The following HIVEP3 variants were observed in gnomAD, a reference collection of about 807,000 sequenced individuals.
HIVEP3 encodes the protein transcription factor HIVEP3.
Under a neutral mutation model 152.8 loss-of-function variants are expected in HIVEP3, and 49 were observed. The observed-to-expected ratio is 0.32, with a 90% CI of 0.26 to 0.41. The LOEUF is 0.41. Ranked by LOEUF, HIVEP3 falls within the 10% of genes least tolerant of loss-of-function variation. The pLI, the probability that HIVEP3 is intolerant of heterozygous loss-of-function variation, is 1.00. For missense variants in HIVEP3, 2,790 were observed against 3,103.3 expected (o/e 0.90, Z 2.40); for synonymous variants, 1,269 against 1,289.0 (o/e 0.98, Z 0.33).
chr1:41,777,496 C>G (rs1223027797), intron 1 of HIVEP3, among the ~76,000 whole-genome samples: 1 of 152,232 alleles, frequency 6.6e-6, no homozygotes, highest in Admixed American at 6.5e-5. Flanking sequence ...AAACCCACCA[C>G]CCAGTGAAGC....
chr1:41,511,326 CGA>C lies in HIVEP3; in HGVS notation c.6406-62_6406-61del. ...GTTACATGCTGGGCACATGGGGAGC[CGA>C]GGCCTGGAAGTGGGAGGGGGACTCG... On this transcript the variant is annotated intron_variant, in intron 8 of 8. Transcript: ENST00000372583. This position sits in a 1 kb window ranked among gnomAD's most constrained non-coding sequence, Gnocchi z 4.9. The C allele has an allele frequency of 1.4e-6, 2 of 1,414,770 alleles. No individual in the cohort carries two copies. Among genetic ancestry groups the C allele is most frequent in the South Asian group, 2.8e-5 (2 of 71,954 alleles). 87.6% of individuals were successfully genotyped at this position (1,414,770 alleles called of 1,614,324 possible).
At chr1:41,912,129 A>T (rs1644805651) in intron 1 of HIVEP3, among the ~76,000 whole-genome samples, 1 of 152,204 alleles carries the variant, frequency 6.6e-6, no homozygotes, top group African/African-American at 2.4e-5. Flanking sequence ...GACAATAAAG[A>T]AAAGCATAGG....
chr1:41,582,110 G>A lies in HIVEP3; in HGVS notation c.2688C>T (p.Leu896=). The change falls in exon 4 of 9, where the codon CTC becomes CTT. Residue 896 remains leucine, a synonymous_variant. Transcript: ENST00000372583. This position sits in a 1 kb window ranked among gnomAD's most constrained non-coding sequence, Gnocchi z 4.7. ...WPQRSQTLAQ[L]PAEKLPPKKK... is the part of the protein sequence containing the mutation. ...TTTTGGGTGGCAGCTTCTCAGCTGG[G>A]AGCTGGGCAAGTGTCTGGCTGCGCT... is the stretch of plus-strand genomic sequence containing the variant. The A allele has an allele frequency of 6.2e-7, 1 of 1,614,172 alleles. No homozygotes were observed. Among genetic ancestry groups the A allele is most frequent in the Non-Finnish European group, 8.5e-7 (1 of 1,180,028 alleles).
chr1:41,574,283 C>G (rs1328630225), intron 5 of HIVEP3, among the ~76,000 whole-genome samples: 5 of 152,132 alleles, frequency 3.3e-5, no homozygotes, highest in African/African-American at 1.2e-4. Context: ...CGAGGGCGCT[C>G]TAACCAAACA....
intron 1 of HIVEP3, among the ~76,000 whole-genome samples, chr1:41,742,262 C>T (rs971357836): frequency 6.6e-6 from 1 of 152,196 alleles, no homozygotes; most frequent in Non-Finnish European, 1.5e-5. Context: ...GTCCATTATT[C>T]CATCCACCCA....
intron 1 of HIVEP3, among the ~76,000 whole-genome samples, chr1:41,888,983 TGCCACACACAC>T (rs1221140145): frequency 2.5e-5 from 3 of 121,416 alleles, no homozygotes. Flanking sequence ...AGACCACACA[TGCCACACACAC>T]ACCACATACC....
At chr1:41,710,936 C>G (rs1285148798) in intron 1 of HIVEP3, among the ~76,000 whole-genome samples, 1 of 152,274 alleles carries the variant, frequency 6.6e-6, no homozygotes, top group African/African-American at 2.4e-5. Flanking sequence ...CATCGCTACT[C>G]TCACTTTACA....
intron 1 of HIVEP3, among the ~76,000 whole-genome samples, chr1:41,779,495 T>C (rs958343901): frequency 2.0e-5 from 3 of 151,970 alleles, no homozygotes; most frequent in Admixed American, 2.0e-4. Flanking sequence ...CCCTTCTTTT[T>C]CTTTTCTTTT....
At chr1:41,522,460 C>T (rs967274569) in intron 6 of HIVEP3, among the ~76,000 whole-genome samples, 2 of 152,228 alleles carry the variant, frequency 1.3e-5, no homozygotes, top group Admixed American at 6.5e-5. Context: ...AGGAAGAGCT[C>T]AGGGCACTGC....
chr1:41,991,307 A>G (rs1167908506), intron 1 of HIVEP3, among the ~76,000 whole-genome samples: 1 of 151,364 alleles, frequency 6.6e-6, no homozygotes, highest in African/African-American at 2.4e-5. Context: ...AAAAAATGAT[A>G]AAGGGGATAT....
At chr1:41,857,013 G>C (rs1643786676) in intron 1 of HIVEP3, among the ~76,000 whole-genome samples, 1 of 152,124 alleles carries the variant, frequency 6.6e-6, no homozygotes, top group Non-Finnish European at 1.5e-5. Context: ...AGCATTGCCA[G>C]GTTCTCTGTG....
chr1:41,760,980 C>T (rs1647635104), intron 1 of HIVEP3, among the ~76,000 whole-genome samples: 1 of 152,224 alleles, frequency 6.6e-6, no homozygotes. Flanking sequence ...CTACACTCAG[C>T]TCCCTTCTCT....
At chr1:41,968,920 C>G (rs766880707) in intron 1 of HIVEP3, among the ~76,000 whole-genome samples, 3 of 152,070 alleles carry the variant, frequency 2.0e-5, no homozygotes, top group Non-Finnish European at 2.9e-5. Flanking sequence ...AAACAGCAGA[C>G]AAGCAGAGAG....
intron 2 of HIVEP3, among the ~76,000 whole-genome samples, chr1:41,640,772 G>A (rs1645360286): frequency 6.6e-6 from 1 of 152,206 alleles, no homozygotes; most frequent in African/African-American, 2.4e-5. Flanking sequence ...TTTTTTCACA[G>A]TCATACTAAT....
intron 2 of HIVEP3, among the ~76,000 whole-genome samples, chr1:41,677,361 T>C (rs764227318): frequency 2.6e-5 from 4 of 152,174 alleles, no homozygotes; most frequent in Non-Finnish European, 4.4e-5. Context: ...CAGAAGACAA[T>C]GGATGCTAGA....
rs112553312 is a variant in HIVEP3 at position 41,533,971 on chromosome 1, G to A, written c.5208-9061C>T. The stretch of plus-strand genomic sequence containing the variant: ...CTCTCAGCAAGCAGCACCTGCACTC[G>A]TGTGGCTGGCCAGCCCACAGGCTGG... On this transcript the variant is annotated intron_variant, in intron 5 of 8. Transcript: ENST00000372583. This position sits in a 1 kb window ranked among gnomAD's most constrained non-coding sequence, Gnocchi z 4.3. 0.042 allele frequency among the ~76,000 whole-genome samples: 6,455 copies of A among 151,968 alleles called. 206 individuals are homozygous for A. The highest frequency in any genetic ancestry group is 0.099 in the Middle Eastern group (29 of 294).
intron 1 of HIVEP3, among the ~76,000 whole-genome samples, chr1:41,781,951 C>A (rs1248951720): frequency 6.6e-6 from 1 of 152,190 alleles, no homozygotes; most frequent in East Asian, 1.9e-4. Context: ...TCCACCCATA[C>A]CAGAAACCCC....
At chr1:41,706,211 T>C (rs1646431133) in intron 1 of HIVEP3, among the ~76,000 whole-genome samples, 1 of 152,230 alleles carries the variant, frequency 6.6e-6, no homozygotes, top group Non-Finnish European at 1.5e-5. Context: ...TTACCCCCTT[T>C]CCTCCCTGTC....
chr1:41,684,317 C>T (rs941654746), intron 2 of HIVEP3, among the ~76,000 whole-genome samples: 13 of 152,248 alleles, frequency 8.5e-5, no homozygotes, highest in African/African-American at 3.1e-4. Flanking sequence ...ACCACCTTGG[C>T]CATGCAGCTC....
Sources: allele counts gnomAD v4.1 joint callset (sites outside exome capture counted in the v4.1 genomes callset), GRCh38; gene constraint gnomAD v4.1.1; non-coding constraint Gnocchi (gnomAD v3.1); transcripts MANE v1.5; gene names NCBI Gene and HGNC (gene_info 2026-07-23, HGNC 2026-07-21).